Variants in ABCD2 observed in about 807,000 individuals in gnomAD.
The protein encoded by ABCD2 is ATP-binding cassette sub-family D member 2.
Under a neutral mutation model 70.9 loss-of-function variants are expected in ABCD2, and 36 were observed. The observed-to-expected ratio is 0.51, with a 90% confidence interval of 0.39 to 0.67. The LOEUF is 0.67. Ranked by LOEUF, ABCD2 falls within the 30% of genes least tolerant of loss-of-function variation. ABCD2 has a pLI of 0.00. For synonymous variants in ABCD2, 304 were observed against 306.9 expected (o/e 0.99, Z 0.10); for missense variants, 729 against 890.2 (o/e 0.82, Z 2.30).
At chr12:39,537,224 A>G in the ABCD2 span, among the ~76,000 whole-genome samples, 1 of 152,000 alleles carries the variant, frequency 6.6e-6, no homozygotes, top group Non-Finnish European at 1.5e-5. Context: ...CTAAAATTAA[A>G]CTTGTGCAAA....
intron 7 of ABCD2, among the ~76,000 whole-genome samples, chr12:39,581,257 C>T (rs995852730): frequency 6.6e-6 from 1 of 152,048 alleles, no homozygotes; most frequent in African/African-American, 2.4e-5. Context: ...AAGTGTTACT[C>T]CAAAAATTAA....
In ABCD2 at chr12:39,550,241, A is replaced by G. The variant is rs1941068965; in HGVS notation, c.*3671T>C. 6.6e-6 allele frequency: 1 copy of G among 151,800 alleles called. No homozygotes were observed. Among genetic ancestry groups the G allele is most frequent in the African/African-American group, 2.4e-5 (1 of 41,408 alleles). 9.4% of individuals were successfully genotyped at this position (151,800 alleles called of 1,614,324 possible). On this transcript the variant is annotated 3_prime_UTR_variant, in exon 10 of 10. Coordinates refer to ENST00000308666, the MANE Select transcript of ABCD2 (RefSeq NM_005164.4). Reference sequence around the variant, plus strand: ...ACATATACCCAACATGGCCATTTGCAGTATAGAAACAGGGTATTTTGTAAA... The same window carrying G: ...ACATATACCCAACATGGCCATTTGCGGTATAGAAACAGGGTATTTTGTAAA...
Position 39,553,780 on chromosome 12 carries a change from A to G in ABCD2, c.*132T>C. ...AAAAGTCAGATCATATACTTCCTTA[A>G]TGCTAAAATCTTATAAAACATGTCT... On this transcript the variant is annotated 3_prime_UTR_variant, in exon 10 of 10. Transcript: ENST00000308666. The G allele has an allele frequency of 3.0e-6, 2 of 669,090 alleles. No homozygotes were observed. The highest frequency in any genetic ancestry group is 4.2e-5 in the South Asian group (2 of 48,084). The allele number at this position is 669,090 out of a possible 1,614,324, so 41.4% of individuals were successfully genotyped here.
chr12:39,553,010 T>C lies in ABCD2; in HGVS notation c.*902A>G, dbSNP rs543601836. On this transcript the variant is annotated 3_prime_UTR_variant, in exon 10 of 10. Coordinates refer to ENST00000308666, the MANE Select transcript of ABCD2 (RefSeq NM_005164.4). ...GGTGAAATGATGTAAATGGGGATTG[T>C]AAATTATAAAGTACTATTCCAATGT... The C allele has an allele frequency of 7.9e-4, 120 of 152,130 alleles. No individual in the cohort carries two copies. The highest frequency in any genetic ancestry group is 1.4e-3 in the Non-Finnish European group (98 of 67,880). The allele number at this position is 152,130 out of a possible 1,614,324, so 9.4% of individuals were successfully genotyped here. A position where few individuals can be genotyped will look rare whatever the true frequency, so the allele number is the denominator to read the frequency against.
chr12:39,565,677 T>G (rs988237172), intron 9 of ABCD2, among the ~76,000 whole-genome samples: 1 of 151,978 alleles, frequency 6.6e-6, no homozygotes, highest in African/African-American at 2.4e-5. Flanking sequence ...TGAATAAGAG[T>G]GGTGAGAGAG....
chr12:39,587,641 G>A (rs149302615), intron 6 of ABCD2, among the ~76,000 whole-genome samples: 132 of 152,262 alleles, frequency 8.7e-4, no homozygotes, highest in African/African-American at 2.8e-3. Context: ...TACAGGAGGT[G>A]GGAGGAACAA....
At chr12:39,598,325 A>C (rs1431456236) in intron 6 of ABCD2, among the ~76,000 whole-genome samples, 1 of 152,200 alleles carries the variant, frequency 6.6e-6, no homozygotes, top group East Asian at 1.9e-4. Context: ...TCAATTCTAT[A>C]TTGAAATTTC....
In ABCD2 at chr12:39,552,116, TA is replaced by T. The variant is rs1227455881; in HGVS notation, c.*1795del. 6.6e-6 allele frequency: 1 copy of T among 151,930 alleles called. No individual in the cohort carries two copies. Among genetic ancestry groups the T allele is most frequent in the Non-Finnish European group, 1.5e-5 (1 of 67,824 alleles). 9.4% of individuals were successfully genotyped at this position (151,930 alleles called of 1,614,324 possible). Reference sequence around the variant, plus strand: ...GAAATATTAGTAACTGATGAATAAGTAGGTGATAATACTAATGAAAACGTTG... The same window carrying T: ...GAAATATTAGTAACTGATGAATAAGTGGTGATAATACTAATGAAAACGTTG... On this transcript the variant is annotated 3_prime_UTR_variant, in exon 10 of 10. Transcript: ENST00000308666.
chr12:39,572,655 T>C (rs1459115878), intron 9 of ABCD2, among the ~76,000 whole-genome samples: 3 of 152,146 alleles, frequency 2.0e-5, no homozygotes, highest in Admixed American at 6.5e-5. Context: ...CTTTATAAGG[T>C]CAAAGGTCTA....
downstream of ABCD2, among the ~76,000 whole-genome samples, chr12:39,548,991 T>A (rs1192332389): frequency 6.6e-6 from 1 of 152,040 alleles, no homozygotes; most frequent in African/African-American, 2.4e-5. Context: ...CTTTTGCTTT[T>A]TAGAACTTTC....
chr12:39,616,910 T>G (rs1327140482), intron 2 of ABCD2, 78 bp downstream of exon 2: 1 of 1,331,714 alleles, frequency 7.5e-7, no homozygotes, highest in Non-Finnish European at 1.0e-6. Flanking sequence ...ACAGTTTAGC[T>G]CACATAAAAC....
chr12:39,598,588 C>T (rs551203583), intron 6 of ABCD2, among the ~76,000 whole-genome samples: 18 of 152,006 alleles, frequency 1.2e-4, no homozygotes, highest in East Asian at 1.9e-4. Context: ...TTAGTAGAGA[C>T]GGGGTTTCTC....
chr12:39,568,067 T>C (rs1026199878), intron 9 of ABCD2, among the ~76,000 whole-genome samples: 15 of 152,136 alleles, frequency 9.9e-5, no homozygotes, highest in Admixed American at 7.8e-4. Context: ...CATTTTTTCC[T>C]TCATTTCAAC....
chr12:39,573,671 T>G, intron 9 of ABCD2, 45 bp downstream of exon 9: 2 of 1,576,956 alleles, frequency 1.3e-6, no homozygotes, highest in African/African-American at 1.4e-5. Flanking sequence ...TTTGAGAAAT[T>G]TAAGGAAAAA....
At chr12:39,590,989 C>A (rs1306846301) in intron 6 of ABCD2, among the ~76,000 whole-genome samples, 1 of 151,972 alleles carries the variant, frequency 6.6e-6, no homozygotes, top group Admixed American at 6.6e-5. Flanking sequence ...GCAGAGAAAA[C>A]AAATTTTTAA....
intron 2 of ABCD2, among the ~76,000 whole-genome samples, chr12:39,608,501 A>G (rs1942001785): frequency 6.6e-6 from 1 of 152,030 alleles, no homozygotes; most frequent in African/African-American, 2.4e-5. Flanking sequence ...AGCCTGGCCA[A>G]CATGGTGAAA....
intron 2 of ABCD2, 31 bp downstream of exon 2, chr12:39,616,956 AT>A (rs1386670026): frequency 2.6e-6 from 4 of 1,546,708 alleles, no homozygotes; most frequent in African/African-American, 1.4e-5. Context: ...AATGTTAAAA[AT>A]ATATTTGAGA....
chr12:39,550,244 A>G lies in ABCD2; in HGVS notation c.*3668T>C, dbSNP rs972271483. 1.3e-5 allele frequency: 2 copies of G among 151,816 alleles called. No homozygotes were observed. Among genetic ancestry groups the G allele is most frequent in the South Asian group, 4.1e-4 (2 of 4,832 alleles). The allele number at this position is 151,816 out of a possible 1,614,324, so 9.4% of individuals were successfully genotyped here. Reference sequence around the variant, plus strand: ...TATACCCAACATGGCCATTTGCAGTATAGAAACAGGGTATTTTGTAAAAAT... The same window carrying G: ...TATACCCAACATGGCCATTTGCAGTGTAGAAACAGGGTATTTTGTAAAAAT... On this transcript the variant is annotated 3_prime_UTR_variant, in exon 10 of 10. Coordinates refer to ENST00000308666, the MANE Select transcript of ABCD2 (RefSeq NM_005164.4).
chr12:39,543,567 GTGTTTCAGCTTT>G, the ABCD2 span, among the ~76,000 whole-genome samples: 2 of 152,142 alleles, frequency 1.3e-5, no homozygotes, highest in South Asian at 2.1e-4. Flanking sequence ...GAAGAACTTA[GTGTTTCAGCTTT>G]TGTTTCAGCT....
Sources: allele counts gnomAD v4.1 joint callset (sites outside exome capture counted in the v4.1 genomes callset), GRCh38; gene constraint gnomAD v4.1.1; transcripts MANE v1.5; gene names NCBI Gene and HGNC (gene_info 2026-07-23, HGNC 2026-07-21).